The following AIF1L variants were observed in gnomAD, a reference collection of about 807,000 sequenced individuals.
AIF1L encodes the protein allograft inflammatory factor 1 like.
AIF1L carries 12 observed loss-of-function variants against 20.7 expected under a neutral mutation model. That is an observed-to-expected ratio of 0.58 (90% CI 0.37 to 0.94). The LOEUF is 0.94. Ranked by LOEUF, AIF1L falls within the 40% of genes least tolerant of loss-of-function variation. AIF1L has a pLI of 0.01. For synonymous variants in AIF1L, 76 were observed against 65.1 expected, an observed-to-expected ratio of 1.17 and a Z score of -0.81; for missense variants, 173 against 185.3, an observed-to-expected ratio of 0.93 and a Z score of 0.39.
intron 2 of AIF1L, chr9:131,106,196 A>T: frequency 6.5e-7 from 1 of 1,535,520 alleles, no homozygotes; most frequent in Non-Finnish European, 8.7e-7. Flanking sequence ...AGTACTGTGC[A>T]GGGAGGGAGC....
At chr9:131,109,723 A>G (rs1830834713) in intron 2 of AIF1L, among the ~76,000 whole-genome samples, 1 of 152,204 alleles carries the variant, frequency 6.6e-6, no homozygotes. Flanking sequence ...GTTACCTGGC[A>G]CTGTATCTGG....
At chr9:131,114,505 A>G (rs1323677614) in intron 3 of AIF1L, 72 bp from the exon 4 acceptor site, 3 of 1,554,544 alleles carry the variant, frequency 1.9e-6, no homozygotes, top group South Asian at 1.1e-5. Context: ...TTTGCCCACA[A>G]GGGAGCCACT....
Position 131,096,872 on chromosome 9 carries a change from C to G in AIF1L, c.93+9C>G. 6.5e-7 allele frequency: 1 copy of G among 1,532,294 alleles called. No homozygotes were observed. Among genetic ancestry groups the G allele is most frequent in the Non-Finnish European group, 8.8e-7 (1 of 1,141,132 alleles). The allele number at this position is 1,532,294 out of a possible 1,614,324, so 94.9% of individuals were successfully genotyped here. On this transcript the variant is annotated intron_variant, in intron 2 of 5. Coordinates refer to ENST00000247291, the MANE Select transcript of AIF1L (RefSeq NM_031426.4). Reference sequence around the variant, plus strand: ...TGGCCGAGATCAACCGGGTAAGCCCCGCGCCCAGGGCAGCACGCGAGTCCC... The same window carrying G: ...TGGCCGAGATCAACCGGGTAAGCCCGGCGCCCAGGGCAGCACGCGAGTCCC...
rs1043169 is a variant in AIF1L, at chr9:131,122,156, C to G, written c.*1834C>G. ...AGACTGGGTGAGAGTCTTGGCAGAG[C>G]CTTTGCAACACCTTAAGTGGACAGG... On this transcript the variant is annotated 3_prime_UTR_variant, in exon 6 of 6. Coordinates refer to ENST00000247291, the MANE Select transcript of AIF1L (RefSeq NM_031426.4). 0.26 allele frequency: 39,996 copies of G among 151,826 alleles called. 5,326 individuals are homozygous for G. The highest frequency in any genetic ancestry group is 0.36 in the East Asian group (1,863 of 5,110). 9.4% of individuals were successfully genotyped at this position (151,826 alleles called of 1,614,324 possible). A position where few individuals can be genotyped will look rare whatever the true frequency, so the allele number is the denominator to read the frequency against.
chr9:131,107,510 C>G (rs2133386132), intron 2 of AIF1L, among the ~76,000 whole-genome samples: 1 of 152,312 alleles, frequency 6.6e-6, no homozygotes, highest in East Asian at 1.9e-4. Context: ...TCTTGTGCCT[C>G]CCCAGGAAGG....
intron 2 of AIF1L, among the ~76,000 whole-genome samples, chr9:131,102,249 C>T (rs953489885): frequency 6.6e-6 from 1 of 152,178 alleles, no homozygotes; most frequent in African/African-American, 2.4e-5. Flanking sequence ...GTCATCTGCA[C>T]TGGGAAGGCA....
intron 4 of AIF1L, among the ~76,000 whole-genome samples, chr9:131,115,970 G>A (rs973770126): frequency 1.5e-5 from 2 of 136,414 alleles, no homozygotes; most frequent in African/African-American, 2.8e-5. Context: ...GCAAGACTTC[G>A]TCTCAAAAAA....
At chr9:131,118,043 C>A in intron 5 of AIF1L, 125 bp downstream of exon 5, 1 of 991,114 alleles carries the variant, frequency 1.0e-6, no homozygotes, top group Non-Finnish European at 1.5e-6. Flanking sequence ...ACCTGCTGGA[C>A]AAGGTACTTA....
chr9:131,114,348 G>T, intron 3 of AIF1L: 1 of 520,870 alleles, frequency 1.9e-6, no homozygotes, highest in Non-Finnish European at 3.5e-6. Flanking sequence ...GTGGCCCCCA[G>T]CCATCTTTCC....
intron 2 of AIF1L, among the ~76,000 whole-genome samples, chr9:131,100,264 A>C (rs1010882615): frequency 6.6e-6 from 1 of 152,236 alleles, no homozygotes; most frequent in Non-Finnish European, 1.5e-5. Flanking sequence ...TAATGGGCCT[A>C]GAAATCCCAG....
At chr9:131,108,480 G>A (rs965744236) in intron 2 of AIF1L, among the ~76,000 whole-genome samples, 4 of 152,148 alleles carry the variant, frequency 2.6e-5, no homozygotes, top group African/African-American at 7.2e-5. Flanking sequence ...GATTACAGAC[G>A]TGAGCCACTC....
chr9:131,106,489 CAG>C (rs1830752004), intron 2 of AIF1L, among the ~76,000 whole-genome samples: 1 of 152,096 alleles, frequency 6.6e-6, no homozygotes, highest in Non-Finnish European at 1.5e-5. Flanking sequence ...CAGTATAAAA[CAG>C]GGTGGACAGG....
At position 131,120,987 on chromosome 9, in the gene AIF1L, CAGGCAGCTGAG is replaced by C; in HGVS notation, c.*673_*683del. On this transcript the variant is annotated 3_prime_UTR_variant, in exon 6 of 6. Transcript: ENST00000247291. ...GTCCTGCTCTCTGGCCACACCTGTG[CAGGCAGCTGAG>C]AGGCAGCGTGCAGCCCTACTGTCCC... 1 of 608,486 alleles carries C rather than the reference CAGGCAGCTGAG, an allele frequency of 1.6e-6. No individual in the cohort carries two copies. The highest frequency in any genetic ancestry group is 4.0e-4 in the Middle Eastern group (1 of 2,514). The allele number at this position is 608,486 out of a possible 1,614,324, so 37.7% of individuals were successfully genotyped here. A position where few individuals can be genotyped will look rare whatever the true frequency, so the allele number is the denominator to read the frequency against.
intron 4 of AIF1L, among the ~76,000 whole-genome samples, chr9:131,116,837 T>C (rs1373841756): frequency 6.6e-6 from 1 of 152,214 alleles, no homozygotes; most frequent in Non-Finnish European, 1.5e-5. Context: ...TGGCAGTGCG[T>C]GTGCAGCCCT....
At chr9:131,109,950 C>T (rs1158780203) in intron 2 of AIF1L, among the ~76,000 whole-genome samples, 1 of 152,200 alleles carries the variant, frequency 6.6e-6, no homozygotes, top group Non-Finnish European at 1.5e-5. Flanking sequence ...TGGCTCACAC[C>T]TGTAATCCCA....
intron 2 of AIF1L, among the ~76,000 whole-genome samples, chr9:131,099,928 T>C (rs1298171705): frequency 2.6e-5 from 4 of 151,964 alleles, no homozygotes; most frequent in Non-Finnish European, 4.4e-5. Context: ...GGTTTCACCG[T>C]GTTGGTCAGG....
At chr9:131,096,893 G>C in intron 2 of AIF1L, 30 bp downstream of exon 2, 1 of 1,509,214 alleles carries the variant, frequency 6.6e-7, no homozygotes, top group South Asian at 1.2e-5. Context: ...CAGCACGCGA[G>C]TCCCGAGCCG....
At chr9:131,109,039 A>G (rs1016633860) in intron 2 of AIF1L, among the ~76,000 whole-genome samples, 3 of 152,230 alleles carry the variant, frequency 2.0e-5, no homozygotes, top group African/African-American at 7.2e-5. Context: ...AAGTAGGTCA[A>G]GTGATTAATG....
At chr9:131,114,318 C>G in intron 3 of AIF1L, 1 of 468,520 alleles carries the variant, frequency 2.1e-6, no homozygotes, top group Non-Finnish European at 4.0e-6. Flanking sequence ...AGCAGCTGCC[C>G]TCCTGGTAAG....
Sources: gnomAD v4.1 joint callset for allele counts (sites outside exome capture counted in the v4.1 genomes callset) on GRCh38, gnomAD v4.1.1 for gene constraint, MANE v1.5 for transcripts, NCBI Gene and HGNC (gene_info 2026-07-23, HGNC 2026-07-21) for gene names.